TMEFF2: variants seen among roughly 807,000 people sequenced by gnomAD.
TMEFF2 encodes tomoregulin-2.
A neutral mutation model predicts 53.8 loss-of-function variants in TMEFF2; 28 were observed. That is an observed-to-expected ratio of 0.52 (90% CI 0.39 to 0.71). The LOEUF (loss-of-function observed/expected upper bound fraction) is 0.71, where lower values mean the gene tolerates loss of function less well. Ranked by LOEUF, TMEFF2 falls within the 30% of genes least tolerant of loss-of-function variation. The pLI, the probability that TMEFF2 is intolerant of heterozygous loss-of-function variation, is 0.00. For synonymous variants in TMEFF2, 162 were observed against 166.3 expected, an observed-to-expected ratio of 0.97 and a Z score of 0.20; for missense variants, 353 against 455.2, an observed-to-expected ratio of 0.78 and a Z score of 2.04.
chr2:191,980,382 G>A (rs1194754237), intron 7 of TMEFF2, among the ~76,000 whole-genome samples: 4 of 152,136 alleles, frequency 2.6e-5, no homozygotes, highest in Non-Finnish European at 5.9e-5. Context: ...AGGGCATATT[G>A]TGTTAGGCCC....
chr2:192,127,539 C>T (rs1168010462), intron 4 of TMEFF2, among the ~76,000 whole-genome samples: 7 of 152,112 alleles, frequency 4.6e-5, no homozygotes, highest in Non-Finnish European at 5.9e-5. Flanking sequence ...GATGAGAAAT[C>T]CTCTTTATTT....
intron 4 of TMEFF2, among the ~76,000 whole-genome samples, chr2:192,109,036 T>G (rs1689215479): frequency 6.6e-6 from 1 of 151,996 alleles, no homozygotes; most frequent in Admixed American, 6.6e-5. Context: ...TAGAAAGTTA[T>G]TGCTTAATGG....
chr2:192,001,504 C>T (rs927136782), intron 5 of TMEFF2, among the ~76,000 whole-genome samples: 1 of 152,064 alleles, frequency 6.6e-6, no homozygotes, highest in African/African-American at 2.4e-5. Flanking sequence ...CATTTGATAG[C>T]ATGACAAAAT....
chr2:192,123,100 A>G (rs1198449177), intron 4 of TMEFF2, among the ~76,000 whole-genome samples: 1 of 152,198 alleles, frequency 6.6e-6, no homozygotes, highest in Non-Finnish European at 1.5e-5. Context: ...CTAAAATCAT[A>G]TTAAGGAGAA....
chr2:192,156,912 A>G (rs1241172515), intron 4 of TMEFF2, among the ~76,000 whole-genome samples: 1 of 152,022 alleles, frequency 6.6e-6, no homozygotes, highest in African/African-American at 2.4e-5. Flanking sequence ...AGAGGTTAAC[A>G]TATGTTCTTA....
At chr2:192,000,332 A>G (rs924919118) in intron 5 of TMEFF2, among the ~76,000 whole-genome samples, 1 of 152,166 alleles carries the variant, frequency 6.6e-6, no homozygotes, top group Admixed American at 6.6e-5. Flanking sequence ...TAGACTCTCA[A>G]CATGTATTGC....
At chr2:191,977,619 T>C (rs1685764092) in intron 7 of TMEFF2, among the ~76,000 whole-genome samples, 1 of 151,244 alleles carries the variant, frequency 6.6e-6, no homozygotes, top group Non-Finnish European at 1.5e-5. Flanking sequence ...ATCTTAGAAA[T>C]GGATTTTTTG....
chr2:191,996,234 A>G lies in TMEFF2; in HGVS notation c.745+2028T>C, dbSNP rs77406057. 7.2e-5 allele frequency among the ~76,000 whole-genome samples: 11 copies of G among 152,064 alleles called. No individual in the cohort carries two copies. In the East Asian group the frequency reaches 1.9e-3, roughly 27 times the overall value. On this transcript the variant is annotated intron_variant, in intron 7 of 9. Transcript: ENST00000272771. ...TTGGAATAACTTTATAAATGCATATATATTTGTATATTGACACTGATCAAC... is the reference window on the plus strand; with the variant it reads ...TTGGAATAACTTTATAAATGCATATGTATTTGTATATTGACACTGATCAAC...
chr2:192,194,302 G>C lies in TMEFF2; in HGVS notation c.172+51C>G, dbSNP rs772576893. ...GGGTAGGCTGGTCTGTGCTGGATAC[G>C]CGTGTTCTTCTGCGGAGTTAAAGGG... is the stretch of plus-strand genomic sequence containing the variant. On this transcript the variant is annotated intron_variant, in intron 1 of 9. Coordinates refer to ENST00000272771, the MANE Select transcript of TMEFF2 (RefSeq NM_016192.4). This position sits in a 1 kb window ranked among gnomAD's most constrained non-coding sequence, Gnocchi z 4.2. 24 of 1,602,846 alleles carry C rather than the reference G, an allele frequency of 1.5e-5. No individual in the cohort carries two copies. The South Asian group carries it at 2.7e-4, about 18-fold the overall frequency.
intron 7 of TMEFF2, among the ~76,000 whole-genome samples, chr2:191,970,196 G>GT (rs923430848): frequency 6.6e-6 from 1 of 151,778 alleles, no homozygotes; most frequent in Non-Finnish European, 1.5e-5. Context: ...CAATGAGCAA[G>GT]TTTTTTTCAT....
At chr2:192,147,178 A>G (rs1471743480) in intron 4 of TMEFF2, among the ~76,000 whole-genome samples, 2 of 152,012 alleles carry the variant, frequency 1.3e-5, no homozygotes, top group Non-Finnish European at 2.9e-5. Flanking sequence ...AGATATAGTG[A>G]AAATATGGAC....
chr2:191,993,645 T>C (rs1014545929), intron 7 of TMEFF2, among the ~76,000 whole-genome samples: 1 of 152,082 alleles, frequency 6.6e-6, no homozygotes, highest in African/African-American at 2.4e-5. Context: ...CTCCTCCTCA[T>C]AGCTATTTCC....
intron 2 of TMEFF2, among the ~76,000 whole-genome samples, chr2:192,188,261 A>G (rs1013145295): frequency 2.0e-5 from 3 of 152,218 alleles, no homozygotes; most frequent in Non-Finnish European, 4.4e-5. Context: ...TTCCCAGGCT[A>G]GGTCATTAAC....
intron 7 of TMEFF2, among the ~76,000 whole-genome samples, chr2:191,969,722 G>A (rs1162190929): frequency 6.6e-6 from 1 of 152,092 alleles, no homozygotes; most frequent in Non-Finnish European, 1.5e-5. Context: ...CCATTTGACA[G>A]TACCTGACCA....
chr2:192,015,617 A>G (rs1442685285), intron 5 of TMEFF2, among the ~76,000 whole-genome samples: 1 of 152,186 alleles, frequency 6.6e-6, no homozygotes, highest in Non-Finnish European at 1.5e-5. Flanking sequence ...TAAAAGGGCA[A>G]CTATATTTTT....
At chr2:192,132,310 C>G (rs1235092411) in intron 4 of TMEFF2, among the ~76,000 whole-genome samples, 2 of 152,090 alleles carry the variant, frequency 1.3e-5, no homozygotes, top group African/African-American at 4.8e-5. Context: ...TTTTCTTTAT[C>G]CCAAATCAGA....
At chr2:191,982,504 C>CAAAAAAA (rs10678696) in intron 7 of TMEFF2, among the ~76,000 whole-genome samples, 1 of 138,664 alleles carries the variant, frequency 7.2e-6, no homozygotes, top group African/African-American at 2.7e-5. Context: ...TGAAAACAGG[C>CAAAAAAA]AAAAAAAAAA....
intron 4 of TMEFF2, among the ~76,000 whole-genome samples, chr2:192,101,068 T>C (rs1689020581): frequency 6.6e-6 from 1 of 152,178 alleles, no homozygotes; most frequent in Non-Finnish European, 1.5e-5. Context: ...GAACAGAGCA[T>C]TGCAAACTGG....
At chr2:192,128,485 T>C (rs963334822) in intron 4 of TMEFF2, among the ~76,000 whole-genome samples, 1 of 152,186 alleles carries the variant, frequency 6.6e-6, no homozygotes, top group Non-Finnish European at 1.5e-5. Flanking sequence ...AGAAAGGACA[T>C]CTTAAAAATG....
Sources: gnomAD v4.1 joint callset for allele counts (sites outside exome capture counted in the v4.1 genomes callset) on GRCh38, gnomAD v4.1.1 for gene constraint, Gnocchi (gnomAD v3.1) non-coding constraint, MANE v1.5 for transcripts, NCBI Gene and HGNC (gene_info 2026-07-23, HGNC 2026-07-21) for gene names.